SLC15A5: variants seen among roughly 807,000 people sequenced by gnomAD.
The protein encoded by SLC15A5 is Peptide/histidine transporter ENSP00000340402.
A neutral mutation model predicts 56.1 loss-of-function variants in SLC15A5; 58 were observed. The ratio of observed to expected loss-of-function variants is 1.03; its 90% CI spans 0.84 to 1.29. SLC15A5 has a LOEUF of 1.29. Among genes scored for constraint, SLC15A5 ranks in the 50% most tolerant of loss-of-function variants. SLC15A5 has a pLI of 0.00. For missense variants in SLC15A5, 681 were observed against 672.1 expected, an observed-to-expected ratio of 1.01 and a Z score of -0.15; for synonymous variants, 264 against 250.5, an observed-to-expected ratio of 1.05 and a Z score of -0.51.
chr12:16,258,046 T>C (rs1864595090), intron 2 of SLC15A5, among the ~76,000 whole-genome samples, 176 bp from the exon 3 acceptor site: 1 of 152,224 alleles, frequency 6.6e-6, no homozygotes, highest in South Asian at 2.1e-4. Flanking sequence ...AGCCCTGACT[T>C]AGCAGTTTCA....
chr12:16,263,855 C>G (rs913793631), intron 2 of SLC15A5, among the ~76,000 whole-genome samples: 2 of 152,212 alleles, frequency 1.3e-5, no homozygotes, highest in Non-Finnish European at 2.9e-5. Flanking sequence ...AGGTCAAGAA[C>G]TGAGGTTTGG....
rs762395366 is a variant in SLC15A5 at position 16,237,245 on chromosome 12, C to A, written c.1162+2436G>T. Among the ~76,000 whole-genome samples the A allele has an allele frequency of 6.6e-6, 1 of 152,090 alleles. No individual in the cohort carries two copies. The highest frequency in any genetic ancestry group is 1.5e-5 in the Non-Finnish European group (1 of 68,004). On this transcript the variant is annotated intron_variant, in intron 5 of 8. Coordinates refer to ENST00000344941, the MANE Select transcript of SLC15A5 (RefSeq NM_001170798.1). This position sits in a 1 kb window ranked among gnomAD's most constrained non-coding sequence, Gnocchi z 4.1. Reference sequence around the variant, plus strand: ...ACTTGTTAATCTTTCATAATCATAACCAGAATATGGAAAACTTAAGCAAAT... The same window carrying A: ...ACTTGTTAATCTTTCATAATCATAAACAGAATATGGAAAACTTAAGCAAAT...
At chr12:16,203,600 A>G (rs1390288312) in intron 7 of SLC15A5, among the ~76,000 whole-genome samples, 1 of 152,166 alleles carries the variant, frequency 6.6e-6, no homozygotes, top group Non-Finnish European at 1.5e-5. Context: ...CTTTAAGATC[A>G]CCTTTATAAT....
intron 7 of SLC15A5, among the ~76,000 whole-genome samples, chr12:16,215,556 T>C (rs993541399): frequency 6.6e-6 from 1 of 152,196 alleles, no homozygotes; most frequent in South Asian, 2.1e-4. Context: ...CTCTAGCTTA[T>C]GTATGAAGAA....
intron 7 of SLC15A5, among the ~76,000 whole-genome samples, chr12:16,211,041 A>C (rs61915924): frequency 0.2 from 30,660 of 152,192 alleles, 3,512 homozygotes; most frequent in Middle Eastern, 0.25. Context: ...AAACCAGTTG[A>C]CAAGTAGAGT....
At chr12:16,217,130 C>G (rs1864138055) in intron 6 of SLC15A5, 106 bp from the exon 7 acceptor site, 26 of 1,256,774 alleles carry the variant, frequency 2.1e-5, no homozygotes, top group Non-Finnish European at 2.4e-5. Context: ...TTTACTGATA[C>G]AATAAAAATT....
intron 3 of SLC15A5, among the ~76,000 whole-genome samples, chr12:16,246,998 A>T (rs958687929): frequency 1.3e-5 from 2 of 152,190 alleles, no homozygotes; most frequent in African/African-American, 4.8e-5. Context: ...AAATAAAGAC[A>T]TACAAAATAT....
At chr12:16,275,688 T>TA (rs1326621606) in intron 1 of SLC15A5, among the ~76,000 whole-genome samples, 1 of 151,934 alleles carries the variant, frequency 6.6e-6, no homozygotes, top group South Asian at 2.1e-4. Context: ...TAACTTTTAG[T>TA]AAAAAAATGA....
At chr12:16,238,010 T>A (rs1005302595) in intron 5 of SLC15A5, among the ~76,000 whole-genome samples, 3 of 152,206 alleles carry the variant, frequency 2.0e-5, no homozygotes, top group African/African-American at 7.2e-5. Flanking sequence ...TTTTAAGTCT[T>A]AAGGATTATC....
intron 2 of SLC15A5, among the ~76,000 whole-genome samples, chr12:16,268,407 G>A (rs1864716704): frequency 6.6e-6 from 1 of 152,184 alleles, no homozygotes; most frequent in African/African-American, 2.4e-5. Context: ...TAGAGCCAGT[G>A]CAAATAGAAT....
At chr12:16,270,274 A>G (rs1354505488) in intron 2 of SLC15A5, among the ~76,000 whole-genome samples, 1 of 152,176 alleles carries the variant, frequency 6.6e-6, no homozygotes, top group Non-Finnish European at 1.5e-5. Context: ...CATCTCATTA[A>G]AGGTCCCATA....
chr12:16,240,714 A>C (rs1864405964), intron 4 of SLC15A5, among the ~76,000 whole-genome samples: 1 of 152,188 alleles, frequency 6.6e-6, no homozygotes. Context: ...ACCGAGTGTG[A>C]TATCAGAACC....
intron 5 of SLC15A5, among the ~76,000 whole-genome samples, chr12:16,232,471 T>C (rs546002466): frequency 5.3e-5 from 8 of 152,286 alleles, no homozygotes; most frequent in Non-Finnish European, 1.0e-4. Context: ...ATTTTTCTAA[T>C]TGAAAGAGCC....
chr12:16,219,054 C>A (rs1305490079), intron 6 of SLC15A5, among the ~76,000 whole-genome samples: 5 of 152,138 alleles, frequency 3.3e-5, no homozygotes, highest in Non-Finnish European at 5.9e-5. Flanking sequence ...TTTTGCACTT[C>A]AGGAAAGTGC....
At chr12:16,240,368 G>C (rs1315989083) in intron 4 of SLC15A5, among the ~76,000 whole-genome samples, 1 of 152,018 alleles carries the variant, frequency 6.6e-6, no homozygotes, top group African/African-American at 2.4e-5. Context: ...GCCCAATGTG[G>C]ACACGTGTTA....
At chr12:16,260,934 T>G (rs943721972) in intron 2 of SLC15A5, among the ~76,000 whole-genome samples, 2 of 152,220 alleles carry the variant, frequency 1.3e-5, no homozygotes, top group East Asian at 1.9e-4. Context: ...GACACTTTTG[T>G]TGAAAATCAA....
At chr12:16,238,403 G>A (rs1018712779) in intron 5 of SLC15A5, among the ~76,000 whole-genome samples, 13 of 152,060 alleles carry the variant, frequency 8.5e-5, no homozygotes, top group East Asian at 5.8e-4. Context: ...CGAGGCGGGC[G>A]GATCACGAGG....
chr12:16,261,643 A>C (rs1246599348), intron 2 of SLC15A5, among the ~76,000 whole-genome samples: 1 of 152,188 alleles, frequency 6.6e-6, no homozygotes, highest in Non-Finnish European at 1.5e-5. Context: ...TATTTTAAGA[A>C]AATATCAAAT....
chr12:16,226,971 T>C (rs934757440), intron 5 of SLC15A5, among the ~76,000 whole-genome samples: 10 of 152,168 alleles, frequency 6.6e-5, no homozygotes, highest in Admixed American at 1.3e-4. Context: ...AAAATCAATC[T>C]AATGTTTAAA....
Sources: allele counts gnomAD v4.1 joint callset (sites outside exome capture counted in the v4.1 genomes callset), GRCh38; gene constraint gnomAD v4.1.1; non-coding constraint Gnocchi (gnomAD v3.1); transcripts MANE v1.5; gene names NCBI Gene and HGNC (gene_info 2026-07-23, HGNC 2026-07-21).